STAM: variants seen among roughly 807,000 people sequenced by gnomAD.
STAM encodes the protein signal transducing adapter molecule 1.
In STAM, 16 loss-of-function variants were observed where a neutral mutation model predicts 63.4. The observed-to-expected ratio is 0.25, with a 90% CI of 0.17 to 0.38. The LOEUF (loss-of-function observed/expected upper bound fraction) is 0.38, where lower values mean the gene tolerates loss of function less well. STAM is among the 10% of genes least tolerant of loss of function. The probability of loss-of-function intolerance (pLI) is 1.00; values close to 1 mark genes in which losing one functional copy is unlikely to be tolerated. For synonymous variants in STAM, 238 were observed against 223.9 expected, an observed-to-expected ratio of 1.06 and a Z score of -0.56; for missense variants, 636 against 657.1, an observed-to-expected ratio of 0.97 and a Z score of 0.35.
rs375316303 is a variant in STAM at position 17,708,970 on chromosome 10, C to T, written c.1385+19C>T. On this transcript the variant is annotated intron_variant, in intron 13 of 13. Transcript: ENST00000377524. ...ACCCAAAGTAATTTTACTGTTGATT[C>T]TTGTTTGGAGTTAGTGCTGTTACAG... The T allele has an allele frequency of 1.7e-5, 27 of 1,610,700 alleles. No homozygotes were observed. The highest frequency in any genetic ancestry group is 1.6e-4 in the African/African-American group (12 of 75,000).
chr10:17,703,034 AAAAG>A (rs1836083849), intron 9 of STAM, among the ~76,000 whole-genome samples: 2 of 148,376 alleles, frequency 1.3e-5, no homozygotes, highest in African/African-American at 5.1e-5. Flanking sequence ...AAAAGAAAAG[AAAAG>A]AAAAGAAAAG....
At chr10:17,682,611 A>G (rs1835131793) in intron 2 of STAM, among the ~76,000 whole-genome samples, 2 of 152,306 alleles carry the variant, frequency 1.3e-5, no homozygotes, top group South Asian at 4.1e-4. Context: ...CAAAGAATGT[A>G]CTTTGTATGA....
In STAM at chr10:17,696,874, G is replaced by GTA; in HGVS notation, c.823+7_823+8dup. 1 of 1,600,756 alleles carries GTA rather than the reference G, an allele frequency of 6.2e-7. No homozygotes were observed. Among genetic ancestry groups the GTA allele is most frequent in the Non-Finnish European group, 8.6e-7 (1 of 1,168,184 alleles). On this transcript the variant is annotated splice_donor_region_variant and intron_variant, in intron 8 of 13. Coordinates refer to ENST00000377524, the MANE Select transcript of STAM (RefSeq NM_003473.4). ...TCACTGCTGAACCAGAAATGAGTAA[G>GTA]TATTTTCCAGCCTGCCAATAAATGA...
At position 17,684,880 on chromosome 10, in the gene STAM, G is replaced by A. The variant is rs782777553; in HGVS notation, c.250G>A (p.Val84Ile). Reference sequence around the variant, plus strand: ...CTGTGGCAAAATTTTTCATTTAGAAGTATGTTCAAGAGATTTTGCTAGTGA... The same window carrying A: ...CTGTGGCAAAATTTTTCATTTAGAAATATGTTCAAGAGATTTTGCTAGTGA... ...SNCGKIFHLE[V>I]CSRDFASEVS... The change falls in exon 4 of 14, where the codon GTA becomes ATA. Residue 84 changes from valine to isoleucine, a missense_variant. Coordinates refer to ENST00000377524, the MANE Select transcript of STAM (RefSeq NM_003473.4). The A allele has an allele frequency of 1.9e-6, 3 of 1,614,066 alleles. No homozygotes were observed. The highest frequency in any genetic ancestry group is 2.7e-5 in the African/African-American group (2 of 75,062).
At chr10:17,666,377 T>G (rs999041232) in intron 2 of STAM, among the ~76,000 whole-genome samples, 10 of 150,328 alleles carry the variant, frequency 6.7e-5, no homozygotes, top group Non-Finnish European at 1.5e-4. Flanking sequence ...ATGTTTTTCC[T>G]TGGCTTTGTA....
At chr10:17,646,045 C>G (rs1489166239) in intron 1 of STAM, among the ~76,000 whole-genome samples, 6 of 152,194 alleles carry the variant, frequency 3.9e-5, no homozygotes, top group African/African-American at 1.4e-4. Flanking sequence ...CCACCCAGTT[C>G]AAACACAGGC....
At chr10:17,662,837 G>A (rs562393360) in intron 2 of STAM, among the ~76,000 whole-genome samples, 1 of 152,178 alleles carries the variant, frequency 6.6e-6, no homozygotes, top group South Asian at 2.1e-4. Flanking sequence ...GTGCAACTCT[G>A]CCTGCTTTTG....
intron 5 of STAM, among the ~76,000 whole-genome samples, chr10:17,692,051 G>A (rs1266569775): frequency 6.6e-6 from 1 of 152,124 alleles, no homozygotes; most frequent in Non-Finnish European, 1.5e-5. Context: ...AATCACATGT[G>A]TTAATTTAAT....
rs548482512 is a variant in STAM at position 17,716,164 on chromosome 10, G to A, written c.*1384G>A. ...TTAGCACTATTTAAACAACGGAAAAGTTGAGTCGAACATCATATTTAATGA... is the reference window on the plus strand; with the variant it reads ...TTAGCACTATTTAAACAACGGAAAAATTGAGTCGAACATCATATTTAATGA... On this transcript the variant is annotated 3_prime_UTR_variant, in exon 14 of 14. Coordinates refer to ENST00000377524, the MANE Select transcript of STAM (RefSeq NM_003473.4). 6.6e-6 allele frequency among the ~76,000 whole-genome samples: 1 copy of A among 152,086 alleles called. No individual in the cohort carries two copies. The highest frequency in any genetic ancestry group is 2.4e-5 in the African/African-American group (1 of 41,440).
At position 17,714,647 on chromosome 10, in the gene STAM, T is replaced by G. The variant is rs868934522; in HGVS notation, c.1490T>G (p.Leu497Arg). The G allele has an allele frequency of 1.2e-6, 2 of 1,614,192 alleles. No homozygotes were observed. The highest frequency in any genetic ancestry group is 1.3e-5 in the African/African-American group (1 of 75,044). ...GCTGCTGCAACTGCCGATGTCACTCTGTACCAGAATGCAGGACCTAATATG... is the reference window on the plus strand; with the variant it reads ...GCTGCTGCAACTGCCGATGTCACTCGGTACCAGAATGCAGGACCTAATATG... The part of the protein sequence containing the change: ...TAAAATADVT[L>R]YQNAGPNMPQ... Residue 497 changes from leucine (L) to arginine (R), a missense_variant, in exon 14 of 14, where the codon CTG becomes CGG. Around this residue, in one of 3 missense-constraint regions of STAM, gnomAD observed 532 missense variants for 536.9 expected, o/e 0.99. Coordinates refer to ENST00000377524, the MANE Select transcript of STAM (RefSeq NM_003473.4).
chr10:17,690,216 T>A (rs1554826597), intron 5 of STAM, among the ~76,000 whole-genome samples: 5 of 152,208 alleles, frequency 3.3e-5, no homozygotes, highest in Non-Finnish European at 7.3e-5. Context: ...TGCCCGAGTC[T>A]GCCTTCTTTG....
At chr10:17,706,670 C>T (rs1337350411) in intron 12 of STAM, among the ~76,000 whole-genome samples, 2 of 152,030 alleles carry the variant, frequency 1.3e-5, no homozygotes, top group African/African-American at 2.4e-5. Context: ...TGAGCCATCG[C>T]GCCCGGCCGA....
intron 6 of STAM, 44 bp downstream of exon 6, chr10:17,693,356 A>T (rs1554827052): frequency 5.5e-6 from 8 of 1,456,712 alleles, no homozygotes; most frequent in Non-Finnish European, 7.5e-6. Context: ...ATAAGCCTTT[A>T]TTTTTTCTCT....
intron 1 of STAM, 108 bp downstream of exon 1, chr10:17,644,487 C>A: frequency 7.3e-7 from 1 of 1,360,824 alleles, no homozygotes; most frequent in Non-Finnish European, 1.0e-6. Context: ...GAAGAGCTCG[C>A]TCTTCCCCTT....
intron 1 of STAM, among the ~76,000 whole-genome samples, chr10:17,652,566 C>A (rs1380605279): frequency 1.3e-5 from 2 of 151,998 alleles, no homozygotes; most frequent in South Asian, 4.1e-4. Context: ...AAACTGTTAA[C>A]TTTTTAATAA....
chr10:17,664,377 C>T lies in STAM; in HGVS notation c.125+3829C>T, dbSNP rs561519214. Among the ~76,000 whole-genome samples, 351 of 152,224 alleles carry T rather than the reference C, an allele frequency of 2.3e-3. 2 individuals carry two copies. The highest frequency in any genetic ancestry group is 8.0e-3 in the African/African-American group (334 of 41,562). The stretch of plus-strand genomic sequence containing the variant: ...CCGCTGTCTGTCTCCAGAACTTATC[C>T]ATCATCCCAAACTGAAACCCTGTGC... On this transcript the variant is annotated intron_variant, in intron 2 of 13. Transcript: ENST00000377524.
chr10:17,658,541 T>A (rs1176294540), intron 1 of STAM, among the ~76,000 whole-genome samples: 1 of 152,192 alleles, frequency 6.6e-6, no homozygotes, highest in African/African-American at 2.4e-5. Flanking sequence ...TTTTTGGTCT[T>A]GCTCTGTCGC....
chr10:17,673,467 A>G (rs1834724173), intron 2 of STAM, among the ~76,000 whole-genome samples: 1 of 152,212 alleles, frequency 6.6e-6, no homozygotes, highest in Admixed American at 6.5e-5. Flanking sequence ...CCCATTCGCA[A>G]TGACAGTGTT....
intron 2 of STAM, among the ~76,000 whole-genome samples, chr10:17,673,441 A>C (rs1345354267): frequency 2.0e-5 from 3 of 152,206 alleles, no homozygotes; most frequent in African/African-American, 7.2e-5. Flanking sequence ...GCCACGTTGA[A>C]GGCACAATTC....
Sources: allele counts gnomAD v4.1 joint callset (sites outside exome capture counted in the v4.1 genomes callset), GRCh38; gene constraint gnomAD v4.1.1; regional missense constraint gnomAD v4.1.1; transcripts MANE v1.5; gene names NCBI Gene and HGNC (gene_info 2026-07-23, HGNC 2026-07-21).